Variants in PRG4 observed in about 807,000 individuals in gnomAD.
PRG4 encodes the protein proteoglycan 4.
A neutral mutation model predicts 91.2 loss-of-function variants in PRG4; 61 were observed. That is an observed-to-expected ratio of 0.67 (90% CI 0.54 to 0.83). The LOEUF (loss-of-function observed/expected upper bound fraction) is 0.83. Ranked by LOEUF, PRG4 falls within the 40% of genes least tolerant of loss-of-function variation. The pLI, the probability that PRG4 is intolerant of heterozygous loss-of-function variation, is 0.00. For synonymous variants in PRG4, 576 were observed against 614.2 expected, an observed-to-expected ratio of 0.94 and a Z score of 0.92; for missense variants, 1,564 against 1,714.2, an observed-to-expected ratio of 0.91 and a Z score of 1.55.
chr1:186,311,613 T>A lies in PRG4; in HGVS notation c.3793+17T>A. On this transcript the variant is annotated intron_variant, in intron 10 of 12. Coordinates refer to ENST00000445192, the MANE Select transcript of PRG4 (RefSeq NM_005807.6). ...TCAAGAGAGGTATGTGTTACATAAT[T>A]GACAAGATTACAAAACTTTTAAAGA... 2.5e-6 allele frequency: 4 copies of A among 1,610,504 alleles called. No homozygotes were observed. The highest frequency in any genetic ancestry group is 3.4e-6 in the Non-Finnish European group (4 of 1,176,944).
rs1441852169 is a variant in PRG4, at chr1:186,301,636, A to C, written c.244A>C (p.Arg82=). 6.2e-7 allele frequency: 1 copy of C among 1,613,708 alleles called. No homozygotes were observed. Among genetic ancestry groups the C allele is most frequent in the Non-Finnish European group, 8.5e-7 (1 of 1,179,860 alleles). The part of the protein sequence containing the change: ...GRCFESFERG[R]ECDCDAQCKK... ...CTGCTTTGAGTCCTTCGAGAGAGGG[A>C]GGGAGTGTGACTGCGACGCCCAATG... is the stretch of plus-strand genomic sequence containing the variant. Residue 82 remains arginine (R), a synonymous_variant, in exon 4 of 13, where the codon AGG becomes CGG. Coordinates refer to ENST00000445192, the MANE Select transcript of PRG4 (RefSeq NM_005807.6).
chr1:186,299,296 G>T (rs930311598), intron 2 of PRG4, among the ~76,000 whole-genome samples: 1 of 152,222 alleles, frequency 6.6e-6, no homozygotes, highest in African/African-American at 2.4e-5. Context: ...AGCAGTGGTT[G>T]TAAGCATCTG....
chr1:186,310,229 T>C (rs1366728005), intron 8 of PRG4, among the ~76,000 whole-genome samples: 2 of 152,114 alleles, frequency 1.3e-5, no homozygotes, highest in Admixed American at 6.5e-5. Flanking sequence ...ACTGCTTTAT[T>C]TGAAAATAAC....
In PRG4 at chr1:186,312,313, C is replaced by T. The variant is rs1476098760; in HGVS notation, c.3932C>T (p.Ser1311Phe). 1 of 1,612,274 alleles carries T rather than the reference C, an allele frequency of 6.2e-7. No individual in the cohort carries two copies. Among genetic ancestry groups the T allele is most frequent in the South Asian group, 1.1e-5 (1 of 90,638 alleles). ...RRRFERAIGP[S>F]QTHTIRIQYS... ...CGCTTTGAACGTGCTATAGGACCTTCTCAAACACACACCATCAGAATTCAA... is the reference window on the plus strand; with the variant it reads ...CGCTTTGAACGTGCTATAGGACCTTTTCAAACACACACCATCAGAATTCAA... The change falls in exon 11 of 13, where the codon TCT becomes TTT. Residue 1311 changes from serine (S) to phenylalanine (F), a missense_variant. By Grantham distance (155) the Ser-to-Phe change is radical. This residue lies in a region of PRG4 where 1,079 missense variants were observed against 1,162.2 expected (regional missense o/e 0.93). Transcript: ENST00000445192.
At chr1:186,298,068 G>C (rs1041195783) in intron 2 of PRG4, among the ~76,000 whole-genome samples, 11 of 152,122 alleles carry the variant, frequency 7.2e-5, no homozygotes, top group African/African-American at 2.7e-4. Flanking sequence ...CATTTTAATT[G>C]TGATTAAATA....
At chr1:186,301,929 A>G (rs956992551) in intron 4 of PRG4, among the ~76,000 whole-genome samples, 4 of 152,226 alleles carry the variant, frequency 2.6e-5, no homozygotes, top group Non-Finnish European at 4.4e-5. Context: ...CCAAGAGTAC[A>G]AGATGTTGCC....
chr1:186,297,272 T>TA (rs1320707866), intron 2 of PRG4, among the ~76,000 whole-genome samples: 1 of 152,144 alleles, frequency 6.6e-6, no homozygotes, highest in African/African-American at 2.4e-5. Flanking sequence ...TAAAAATAAC[T>TA]AAAAAAGAAC....
rs560465924 is a variant in PRG4 at position 186,301,202 on chromosome 1, A to G, written c.200-390A>G. Among the ~76,000 whole-genome samples, 11 of 152,324 alleles carry G rather than the reference A, an allele frequency of 7.2e-5. No individual in the cohort carries two copies. The East Asian group carries it at 2.1e-3, about 29-fold the overall frequency. ...TATGGAATATATTGCTGAGATCTGT[A>G]CATTCAATTACTGTGAATCTATTAC... On this transcript the variant is annotated intron_variant, in intron 3 of 12. Transcript: ENST00000445192.
At position 186,309,815 on chromosome 1, in the gene PRG4, T is replaced by A; in HGVS notation, c.3444T>A (p.Gly1148=). Residue 1148 remains glycine (G), a synonymous_variant, in exon 8 of 13, where the codon GGT becomes GGA. Transcript: ENST00000445192. ...MLSDETNICN[G]KPVDGLTTLR... ...TAGATGAGACCAATATATGCAATGG[T>A]AAGCCAGTAGATGGACTGACTACTT... 1 of 1,613,606 alleles carries A rather than the reference T, an allele frequency of 6.2e-7. No homozygotes were observed. Among genetic ancestry groups the A allele is most frequent in the Non-Finnish European group, 8.5e-7 (1 of 1,179,542 alleles).
At chr1:186,312,039 C>A in intron 10 of PRG4, 136 bp from the exon 11 acceptor site, 1 of 675,908 alleles carries the variant, frequency 1.5e-6, no homozygotes. Context: ...GACTAATAGC[C>A]ATTATTAATA....
At chr1:186,304,699 A>T in intron 5 of PRG4, 95 bp from the exon 6 acceptor site, 1 of 1,448,060 alleles carries the variant, frequency 6.9e-7, no homozygotes, top group Non-Finnish European at 9.6e-7. Context: ...ATACTTGTAG[A>T]CTAGTAAATA....
At chr1:186,309,648 TAACTATGCAAA>T in intron 7 of PRG4, 134 bp from the exon 8 acceptor site, 2 of 671,638 alleles carry the variant, frequency 3.0e-6, no homozygotes, top group Admixed American at 4.4e-5. Flanking sequence ...ATCAAGTATA[TAACTATGCAAA>T]CAGGTCAAAC....
At chr1:186,312,143 C>T (rs1486428384) in intron 10 of PRG4, 32 bp from the exon 11 acceptor site, 10 of 1,593,754 alleles carry the variant, frequency 6.3e-6, no homozygotes, top group Non-Finnish European at 8.6e-6. Flanking sequence ...AATTAATTTT[C>T]ATTTTCCATG....
chr1:186,307,667 C>G lies in PRG4; in HGVS notation c.1948C>G (p.Pro650Ala), dbSNP rs758896393. ...PAPTTPEELA[P>A]TTPEEPTPTT... is the part of the protein sequence containing the mutation. The stretch of plus-strand genomic sequence containing the variant: ...ACCCACCACCCCTGAGGAGCTCGCA[C>G]CCACCACCCCTGAGGAGCCCACACC... The change falls in exon 7 of 13, where the codon CCC (proline) becomes GCC (alanine). Residue 650 changes from proline (P) to alanine (A), a missense_variant. Around this residue, in one of 3 missense-constraint regions of PRG4, gnomAD observed 1,079 missense variants for 1,162.2 expected, o/e 0.93. Transcript: ENST00000445192. The G allele has an allele frequency of 6.9e-6, 11 of 1,604,216 alleles. No homozygotes were observed. The African/African-American group carries it at 1.1e-4, about 16-fold the overall frequency.
At chr1:186,304,622 G>C (rs1284901276) in intron 5 of PRG4, among the ~76,000 whole-genome samples, 172 bp from the exon 6 acceptor site, 1 of 152,152 alleles carries the variant, frequency 6.6e-6, no homozygotes, top group Non-Finnish European at 1.5e-5. Flanking sequence ...GATAAGCCCA[G>C]GTGCCTTGCT....
intron 8 of PRG4, 133 bp downstream of exon 8, chr1:186,310,003 G>C: frequency 1.4e-6 from 1 of 732,400 alleles, no homozygotes; most frequent in Admixed American, 2.0e-5. Context: ...CCTCACAGGA[G>C]AATCCGAGAG....
chr1:186,300,214 G>A lies in PRG4; in HGVS notation c.199+1G>A, dbSNP rs771948190. 1.2e-6 allele frequency: 2 copies of A among 1,613,990 alleles called. No homozygotes were observed. The highest frequency in any genetic ancestry group is 1.1e-5 in the South Asian group (1 of 91,064). On this transcript the variant is annotated splice_donor_variant, in intron 3 of 12. Coordinates refer to ENST00000445192, the MANE Select transcript of PRG4 (RefSeq NM_005807.6). LOFTEE classifies it high-confidence loss of function. ...GATTTCAAGAGAGTCTGCACTGCGGGTAAGTCCTGAGAGCGGGTGTCTCCT... is the reference window on the plus strand; with the variant it reads ...GATTTCAAGAGAGTCTGCACTGCGGATAAGTCCTGAGAGCGGGTGTCTCCT...
In PRG4 at chr1:186,308,267, C is replaced by T; in HGVS notation, c.2548C>T (p.Pro850Ser). Residue 850 changes from proline to serine, a missense_variant, in exon 7 of 13, where the codon CCT (proline) becomes TCT (serine). By Grantham distance (74) the Pro-to-Ser change is moderately conservative. Transcript: ENST00000445192. ...KKPAPTTPET[P>S]PPTTSEVSTP... ...GCCTGCTCCAACTACTCCTGAGACACCTCCTCCAACCACTTCAGAGGTCTC... is the reference window on the plus strand; with the variant it reads ...GCCTGCTCCAACTACTCCTGAGACATCTCCTCCAACCACTTCAGAGGTCTC... The T allele has an allele frequency of 6.2e-7, 1 of 1,614,008 alleles. No homozygotes were observed. The highest frequency in any genetic ancestry group is 1.1e-5 in the South Asian group (1 of 91,074).
chr1:186,311,564 A>G lies in PRG4; in HGVS notation c.3761A>G (p.Asn1254Ser). ...VAALSTAKYK[N>S]WPESVYFFKR... ...GCGCTTTCAACAGCTAAATATAAGA[A>G]CTGGCCTGAATCTGTGTATTTTTTC... Residue 1254 changes from asparagine to serine, a missense_variant, in exon 10 of 13, where the codon AAC becomes AGC. Asn to Ser is a conservative substitution (Grantham distance 46). Transcript: ENST00000445192. 6.2e-7 allele frequency: 1 copy of G among 1,614,046 alleles called. No homozygotes were observed. Among genetic ancestry groups the G allele is most frequent in the African/African-American group, 1.3e-5 (1 of 75,038 alleles).
Sources: gnomAD v4.1 joint callset for allele counts (sites outside exome capture counted in the v4.1 genomes callset) on GRCh38, gnomAD v4.1.1 for gene constraint, gnomAD v4.1.1 regional missense constraint, MANE v1.5 for transcripts, NCBI Gene and HGNC (gene_info 2026-07-23, HGNC 2026-07-21) for gene names.